CABLES1: variants seen among roughly 807,000 people sequenced by gnomAD.
CABLES1 encodes the protein CDK5 and ABL1 enzyme substrate 1.
CABLES1 carries 36 observed loss-of-function variants against 57.8 expected under a neutral mutation model. That is an observed-to-expected ratio of 0.62 (90% confidence interval 0.48 to 0.82). CABLES1 has a LOEUF of 0.82. Among genes scored for constraint, CABLES1 ranks in the 40% least tolerant of loss-of-function variants. CABLES1 has a pLI of 0.00. For synonymous variants in CABLES1, 374 were observed against 363.0 expected, an observed-to-expected ratio of 1.03 and a Z score of -0.35; for missense variants, 767 against 836.6, an observed-to-expected ratio of 0.92 and a Z score of 1.03.
chr18:23,228,329 C>T (rs536228027), intron 4 of CABLES1, among the ~76,000 whole-genome samples: 8 of 152,170 alleles, frequency 5.3e-5, no homozygotes, highest in South Asian at 2.1e-4. Context: ...CAGAGTCGGC[C>T]GTTTTATGAT....
intron 4 of CABLES1, among the ~76,000 whole-genome samples, chr18:23,233,290 G>T (rs1396286174): frequency 1.3e-5 from 2 of 152,162 alleles, no homozygotes; most frequent in South Asian, 2.1e-4. Context: ...AAAAATTACC[G>T]TAGGGGAAGG....
chr18:23,186,089 T>C (rs889020954), intron 1 of CABLES1, among the ~76,000 whole-genome samples: 1 of 152,148 alleles, frequency 6.6e-6, no homozygotes, highest in East Asian at 1.9e-4. Flanking sequence ...GAAGTGGGTA[T>C]AGGTGTGGAA....
Position 23,259,613 on chromosome 18 carries a change from C to T in CABLES1, c.*2246C>T, listed in dbSNP as rs2048246087. 6.6e-6 allele frequency: 1 copy of T among 152,158 alleles called. No homozygotes were observed. Among genetic ancestry groups the T allele is most frequent in the Admixed American group, 6.5e-5 (1 of 15,276 alleles). The allele number at this position is 152,158 out of a possible 1,614,324, so 9.4% of individuals were successfully genotyped here. On this transcript the variant is annotated 3_prime_UTR_variant, in exon 10 of 10. Transcript: ENST00000256925. ...AGTCGGGGCTGAGAAGGCATTTTAT[C>T]AGGAGGTCTCCTTTTGCACGTCCAT...
At chr18:23,144,906 G>A (rs1000031052) in intron 1 of CABLES1, among the ~76,000 whole-genome samples, 2 of 151,912 alleles carry the variant, frequency 1.3e-5, no homozygotes, top group Non-Finnish European at 2.9e-5. Flanking sequence ...GTGCACCTAA[G>A]GCTTTACCAC....
intron 5 of CABLES1, among the ~76,000 whole-genome samples, 197 bp from the exon 6 acceptor site, chr18:23,235,698 C>G (rs560104893): frequency 3.9e-5 from 6 of 152,274 alleles, no homozygotes; most frequent in African/African-American, 1.4e-4. Context: ...AACTCTGTAG[C>G]CTTATGTCAG....
At chr18:23,189,202 A>T in intron 2 of CABLES1, 1 of 347,664 alleles carries the variant, frequency 2.9e-6, no homozygotes, top group Non-Finnish European at 5.3e-6. Flanking sequence ...ACAAGAGCCC[A>T]GCATTGTCCC....
Position 23,135,970 on chromosome 18 carries a change from A to T in CABLES1, c.208A>T (p.Thr70Ser). Reference sequence around the variant, plus strand: ...CCGCCAGGCTGCCCTCTCCTTCCTCACCAACATCTCGCTGGACGGCCGGCT... The same window carrying T: ...CCGCCAGGCTGCCCTCTCCTTCCTCTCCAACATCTCGCTGGACGGCCGGCT... Reference protein sequence around the residue: ...RRRQAALSFLTNISLDGRLPP... With the variant: ...RRRQAALSFLSNISLDGRLPP... Residue 70 changes from threonine to serine, a missense_variant, in exon 1 of 10, where the codon ACC (threonine) becomes TCC (serine). By Grantham distance (58) the Thr-to-Ser change is moderately conservative (BLOSUM62 1). Around this residue, in one of 4 missense-constraint regions of CABLES1, gnomAD observed 198 missense variants for 149.7 expected, o/e 1.32. Coordinates refer to ENST00000256925, the MANE Select transcript of CABLES1 (RefSeq NM_001100619.3). 8.8e-7 allele frequency: 1 copy of T among 1,137,334 alleles called. No individual in the cohort carries two copies. The highest frequency in any genetic ancestry group is 1.1e-6 in the Non-Finnish European group (1 of 927,860). 70.5% of individuals were successfully genotyped at this position (1,137,334 alleles called of 1,614,324 possible).
At chr18:23,141,642 C>T (rs2046858512) in intron 1 of CABLES1, among the ~76,000 whole-genome samples, 1 of 152,222 alleles carries the variant, frequency 6.6e-6, no homozygotes, top group African/African-American at 2.4e-5. Flanking sequence ...TGGGCGCAGT[C>T]TGAGGCTTCC....
rs142694212 is a variant in CABLES1, at chr18:23,254,738, G to C, written c.1761+802G>C. On this transcript the variant is annotated intron_variant, in intron 9 of 9. Coordinates refer to ENST00000256925, the MANE Select transcript of CABLES1 (RefSeq NM_001100619.3). The stretch of plus-strand genomic sequence containing the variant: ...AATTGCAGAGAAAGACAAAAAGCAA[G>C]CACTCTGGTTTCTTCTTCTAAGGCT... Among the ~76,000 whole-genome samples the C allele has an allele frequency of 1.5e-3, 229 of 152,296 alleles. 1 individual carries two copies. Among genetic ancestry groups the C allele is most frequent in the African/African-American group, 5.0e-3 (207 of 41,572 alleles).
At chr18:23,165,818 GCA>G (rs2047038398) in intron 1 of CABLES1, among the ~76,000 whole-genome samples, 1 of 152,076 alleles carries the variant, frequency 6.6e-6, no homozygotes, top group Non-Finnish European at 1.5e-5. Flanking sequence ...GAGCATAGAT[GCA>G]CAGTGTGCTA....
chr18:23,140,811 T>C (rs1246517392), intron 1 of CABLES1, among the ~76,000 whole-genome samples: 1 of 152,138 alleles, frequency 6.6e-6, no homozygotes. Flanking sequence ...CCTTGTGGGT[T>C]TGTGGTACGG....
Position 23,136,188 on chromosome 18 carries a change from G to T in CABLES1, c.426G>T (p.Gln142His). ...CTGGGTCCGGCCCCTGCCTCCCACA[G>T]CCCTCGTCGCTGCCGCCCTTGATTC... is the stretch of plus-strand genomic sequence containing the variant. ...LAAGSGPCLPQPSSLPPLIPG... is the reference protein window; with the variant it reads ...LAAGSGPCLPHPSSLPPLIPG... The change falls in exon 1 of 10, where the codon CAG becomes CAT. Residue 142 changes from glutamine (Q) to histidine (H), a missense_variant. By Grantham distance (24) the Gln-to-His change is conservative. Coordinates refer to ENST00000256925, the MANE Select transcript of CABLES1 (RefSeq NM_001100619.3). 8.0e-7 allele frequency: 1 copy of T among 1,242,844 alleles called. No homozygotes were observed. The highest frequency in any genetic ancestry group is 4.3e-5 in the Admixed American group (1 of 23,162). 77.0% of individuals were successfully genotyped at this position (1,242,844 alleles called of 1,614,324 possible). A position where few individuals can be genotyped will look rare whatever the true frequency, so the allele number is the denominator to read the frequency against.
intron 3 of CABLES1, among the ~76,000 whole-genome samples, chr18:23,208,329 A>G (rs972409024): frequency 6.6e-5 from 10 of 152,142 alleles, no homozygotes; most frequent in East Asian, 1.9e-4. Context: ...CGTCCCCCCA[A>G]TAGCTCATGA....
chr18:23,138,820 T>C (rs770980983), intron 1 of CABLES1, among the ~76,000 whole-genome samples: 4 of 152,212 alleles, frequency 2.6e-5, no homozygotes, highest in Non-Finnish European at 5.9e-5. Flanking sequence ...TCATATCAAA[T>C]TGTATTTTCC....
upstream of CABLES1, among the ~76,000 whole-genome samples, chr18:23,135,178 G>T (rs1347194513): frequency 1.3e-5 from 2 of 152,044 alleles, no homozygotes; most frequent in African/African-American, 4.8e-5. Context: ...CGGGGGAAAC[G>T]TGCTCGCCTC....
chr18:23,161,426 T>G (rs2047003035), intron 1 of CABLES1, among the ~76,000 whole-genome samples: 1 of 151,256 alleles, frequency 6.6e-6, no homozygotes, highest in Non-Finnish European at 1.5e-5. Flanking sequence ...ATCACATCAC[T>G]GATGAATTTT....
chr18:23,164,854 C>T (rs1598806766), intron 1 of CABLES1, among the ~76,000 whole-genome samples: 1 of 152,140 alleles, frequency 6.6e-6, no homozygotes, highest in African/African-American at 2.4e-5. Flanking sequence ...TCACTGCAAC[C>T]TCTGCCTCCT....
At chr18:23,250,519 C>G (rs958296605) in intron 7 of CABLES1, among the ~76,000 whole-genome samples, 2 of 152,144 alleles carry the variant, frequency 1.3e-5, no homozygotes, top group Admixed American at 1.3e-4. Flanking sequence ...CCAGAGGAGA[C>G]ATTTGTTGGA....
intron 4 of CABLES1, among the ~76,000 whole-genome samples, chr18:23,223,319 C>A (rs897419734): frequency 3.3e-5 from 5 of 152,076 alleles, no homozygotes; most frequent in African/African-American, 1.2e-4. Context: ...GTGGCTCACA[C>A]CTGTAATCCC....
Sources: allele counts gnomAD v4.1 joint callset (sites outside exome capture counted in the v4.1 genomes callset), GRCh38; gene constraint gnomAD v4.1.1; regional missense constraint gnomAD v4.1.1; transcripts MANE v1.5; gene names NCBI Gene and HGNC (gene_info 2026-07-23, HGNC 2026-07-21).